The following PDE6C variants were observed in gnomAD, a reference collection of about 807,000 sequenced individuals.
PDE6C encodes the protein cone cGMP-specific 3',5'-cyclic phosphodiesterase subunit alpha'.
Under a neutral mutation model 113.1 loss-of-function variants are expected in PDE6C, and 75 were observed. The observed-to-expected ratio is 0.66, with a 90% confidence interval of 0.55 to 0.80. The LOEUF (loss-of-function observed/expected upper bound fraction) is 0.80, where lower values mean the gene tolerates loss of function less well. Ranked by LOEUF, PDE6C falls within the 30% of genes least tolerant of loss-of-function variation. The pLI is 0.00. For missense variants in PDE6C, 912 were observed against 1,038.6 expected, an observed-to-expected ratio of 0.88 and a Z score of 1.67; for synonymous variants, 375 against 363.7, an observed-to-expected ratio of 1.03 and a Z score of -0.35.
At chr10:93,649,752 G>A (rs1208095124) in intron 15 of PDE6C, among the ~76,000 whole-genome samples, 1 of 152,066 alleles carries the variant, frequency 6.6e-6, no homozygotes, top group Admixed American at 6.6e-5. Flanking sequence ...TTATAGGCAT[G>A]CACCACCACT....
rs1003246469 is a variant in PDE6C, at chr10:93,620,532, T to C, written c.481-100T>C. ...CTGTACTGGAGCCCTGGTTATCTGT[T>C]GGTAGCATTTAAATGAGAGAGAATG... On this transcript the variant is annotated intron_variant, in intron 1 of 21. Transcript: ENST00000371447. 60 of 1,223,262 alleles carry C rather than the reference T, an allele frequency of 4.9e-5. No individual in the cohort carries two copies. The African/African-American group carries it at 8.1e-4, about 17-fold the overall frequency. 75.8% of individuals were successfully genotyped at this position (1,223,262 alleles called of 1,614,324 possible).
At chr10:93,614,908 C>T (rs1018295059) in intron 1 of PDE6C, among the ~76,000 whole-genome samples, 8 of 152,108 alleles carry the variant, frequency 5.3e-5, no homozygotes, top group Non-Finnish European at 8.8e-5. Context: ...TCTGTGCTCA[C>T]GAGAAAGAGA....
At chr10:93,651,812 A>T (rs566394901) in intron 15 of PDE6C, among the ~76,000 whole-genome samples, 1 of 152,194 alleles carries the variant, frequency 6.6e-6, no homozygotes, top group Non-Finnish European at 1.5e-5. Context: ...TCAGAAGTCA[A>T]TACAAATGTA....
intron 1 of PDE6C, among the ~76,000 whole-genome samples, chr10:93,614,789 T>C (rs1431630744): frequency 2.6e-5 from 4 of 152,160 alleles, no homozygotes; most frequent in African/African-American, 4.8e-5. Context: ...CATCACGGCA[T>C]GGACGGAGCA....
At chr10:93,619,169 A>C (rs2058433913) in intron 1 of PDE6C, among the ~76,000 whole-genome samples, 1 of 152,134 alleles carries the variant, frequency 6.6e-6, no homozygotes, top group African/African-American at 2.4e-5. Flanking sequence ...AAGCCCTTCC[A>C]TTTGTGCGCT....
At position 93,640,975 on chromosome 10, in the gene PDE6C, C is replaced by T; in HGVS notation, c.1793C>T (p.Ala598Val). The change falls in exon 14 of 22, where the codon GCT becomes GTT. Residue 598 changes from alanine (A) to valine (V), a missense_variant. By Grantham distance (64) the Ala-to-Val change is moderately conservative (BLOSUM62 0). Coordinates refer to ENST00000371447, the MANE Select transcript of PDE6C (RefSeq NM_006204.4). ...TDLEAFAMLA[A>V]AFCHDIDHRG... is the part of the protein sequence containing the mutation. ...CTCGAAGCCTTTGCCATGCTTGCTG[C>T]TGCTTTCTGCCATGATATTGACCAC... 1 of 1,613,368 alleles carries T rather than the reference C, an allele frequency of 6.2e-7. No homozygotes were observed. Among genetic ancestry groups the T allele is most frequent in the Non-Finnish European group, 8.5e-7 (1 of 1,179,360 alleles).
intron 15 of PDE6C, among the ~76,000 whole-genome samples, chr10:93,646,577 C>T (rs577937076): frequency 1.0e-3 from 159 of 152,116 alleles, no homozygotes; most frequent in Non-Finnish European, 2.1e-3. Flanking sequence ...GCATCAACCT[C>T]TGGGCAGGCC....
chr10:93,621,552 CATGGAAGGAGGT>C (rs2058446503), intron 3 of PDE6C, among the ~76,000 whole-genome samples: 1 of 152,156 alleles, frequency 6.6e-6, no homozygotes, highest in African/African-American at 2.4e-5. Flanking sequence ...TCTCAGGATG[CATGGAAGGAGGT>C]ATGTGGCTCT....
At chr10:93,656,565 T>A (rs1272100278) in intron 16 of PDE6C, among the ~76,000 whole-genome samples, 1 of 151,378 alleles carries the variant, frequency 6.6e-6, no homozygotes, top group Non-Finnish European at 1.5e-5. Flanking sequence ...ATTTATTATT[T>A]ATTATTATTA....
intron 15 of PDE6C, among the ~76,000 whole-genome samples, chr10:93,653,397 C>T (rs924980218): frequency 1.3e-5 from 2 of 152,092 alleles, no homozygotes; most frequent in Admixed American, 1.3e-4. Context: ...AATCCCAGCA[C>T]TTTGGGAGGC....
intron 15 of PDE6C, among the ~76,000 whole-genome samples, chr10:93,652,424 C>T (rs993439463): frequency 6.6e-6 from 1 of 151,976 alleles, no homozygotes; most frequent in African/African-American, 2.4e-5. Flanking sequence ...AATTAGGAGG[C>T]TTGTACATGT....
At chr10:93,640,791 C>G in intron 13 of PDE6C, 129 bp from the exon 14 acceptor site, 1 of 727,026 alleles carries the variant, frequency 1.4e-6, no homozygotes, top group Non-Finnish European at 2.4e-6. Context: ...TACTACAATA[C>G]TCACAACAAA....
chr10:93,657,088 C>T (rs1277974131), intron 16 of PDE6C, among the ~76,000 whole-genome samples: 3 of 152,018 alleles, frequency 2.0e-5, no homozygotes, highest in Admixed American at 1.3e-4. Flanking sequence ...AAGATATCAC[C>T]GTCTGACGTT....
rs752027453 is a variant in PDE6C at position 93,639,199 on chromosome 10, T to C, written c.1483-871T>C. 3.4e-4 allele frequency among the ~76,000 whole-genome samples: 52 copies of C among 152,154 alleles called. 1 individual carries two copies. Among genetic ancestry groups the C allele is most frequent in the Non-Finnish European group, 1.8e-4 (12 of 68,016 alleles). Reference sequence around the variant, plus strand: ...TTCTGCCAGCTCAGCTGCATGCATGTCCCTCCAGCATCTCTCCTCCTTTAA... The same window carrying C: ...TTCTGCCAGCTCAGCTGCATGCATGCCCCTCCAGCATCTCTCCTCCTTTAA... On this transcript the variant is annotated intron_variant, in intron 11 of 21. Coordinates refer to ENST00000371447, the MANE Select transcript of PDE6C (RefSeq NM_006204.4).
chr10:93,620,242 C>T (rs1010255400), intron 1 of PDE6C, among the ~76,000 whole-genome samples: 2 of 152,122 alleles, frequency 1.3e-5, no homozygotes, highest in Non-Finnish European at 2.9e-5. Context: ...GAGAGAAGCG[C>T]TCTATGAACT....
At chr10:93,613,323 G>A in intron 1 of PDE6C, 118 bp downstream of exon 1, 3 of 1,414,858 alleles carry the variant, frequency 2.1e-6, no homozygotes, top group Non-Finnish European at 2.9e-6. Context: ...GGGAATGTGG[G>A]TGGCAGGGAA....
rs79487435 is a variant in PDE6C, at chr10:93,663,126, G to A, written c.2466G>A (p.Lys822=). ...CACTAGCTGATGAGTATGATGCAAAGATGAAGGTCATTGAAGAGGAGGCAA... is the reference window on the plus strand; with the variant it reads ...CACTAGCTGATGAGTATGATGCAAAAATGAAGGTCATTGAAGAGGAGGCAA... The part of the protein sequence containing the change: ...WKSLADEYDA[K]MKVIEEEAKK... Residue 822 remains lysine (K), a synonymous_variant, in exon 21 of 22, where the codon AAG becomes AAA. Transcript: ENST00000371447. 676 of 1,613,770 alleles carry A rather than the reference G, an allele frequency of 4.2e-4. 6 individuals are homozygous for A. In the East Asian group the frequency reaches 0.013, roughly 30 times the overall value.
At chr10:93,642,493 G>A (rs565702604) in intron 14 of PDE6C, among the ~76,000 whole-genome samples, 1 of 151,962 alleles carries the variant, frequency 6.6e-6, no homozygotes, top group Non-Finnish European at 1.5e-5. Flanking sequence ...TTTTAAGATG[G>A]TCTATCTGCC....
At chr10:93,653,305 G>T (rs985034112) in intron 15 of PDE6C, among the ~76,000 whole-genome samples, 3 of 152,124 alleles carry the variant, frequency 2.0e-5, no homozygotes, top group Non-Finnish European at 4.4e-5. Flanking sequence ...AGAGATTCTG[G>T]ACTGATATGT....
Sources: gnomAD v4.1 joint callset for allele counts (sites outside exome capture counted in the v4.1 genomes callset) on GRCh38, gnomAD v4.1.1 for gene constraint, MANE v1.5 for transcripts, NCBI Gene and HGNC (gene_info 2026-07-23, HGNC 2026-07-21) for gene names.